The following C1orf21 variants were observed in gnomAD, a reference collection of about 807,000 sequenced individuals.
The protein encoded by C1orf21 is uncharacterized protein C1orf21.
A neutral mutation model predicts 18.7 loss-of-function variants in C1orf21; 3 were observed. That is an observed-to-expected ratio of 0.16 (90% CI 0.07 to 0.42). The LOEUF (loss-of-function observed/expected upper bound fraction) is 0.42, where lower values mean the gene tolerates loss of function less well. Among genes scored for constraint, C1orf21 ranks in the 10% least tolerant of loss-of-function variants. The pLI, the probability that C1orf21 is intolerant of heterozygous loss-of-function variation, is 0.99. For missense variants in C1orf21, 104 were observed against 143.6 expected, an observed-to-expected ratio of 0.72 and a Z score of 1.41; for synonymous variants, 41 against 46.4, an observed-to-expected ratio of 0.88 and a Z score of 0.47.
At chr1:184,561,000 TA>T (rs2101986018) in intron 3 of C1orf21, among the ~76,000 whole-genome samples, 1 of 152,370 alleles carries the variant, frequency 6.6e-6, no homozygotes, top group East Asian at 1.9e-4. Context: ...TGAATTCTGT[TA>T]AGACTCTTGT....
chr1:184,598,599 A>G (rs1659548383), intron 5 of C1orf21, 138 bp downstream of exon 5: 2 of 801,930 alleles, frequency 2.5e-6, no homozygotes, highest in Admixed American at 2.9e-5. Flanking sequence ...AATAAAAGTC[A>G]CCGCCCTTCC....
chr1:184,600,936 G>A (rs1261475468), intron 5 of C1orf21, among the ~76,000 whole-genome samples: 4 of 152,230 alleles, frequency 2.6e-5, no homozygotes, highest in Admixed American at 6.5e-5. Flanking sequence ...TTTGCTTAAT[G>A]TAGTCTGCCA....
At chr1:184,473,372 C>G (rs1657522792) in intron 1 of C1orf21, among the ~76,000 whole-genome samples, 1 of 152,138 alleles carries the variant, frequency 6.6e-6, no homozygotes, top group African/African-American at 2.4e-5. Flanking sequence ...TCAGACTTAC[C>G]TCTCTCTAAG....
At chr1:184,445,343 CCTCTCTCTCTCT>C (rs57710614) in intron 1 of C1orf21, among the ~76,000 whole-genome samples, 11 of 134,844 alleles carry the variant, frequency 8.2e-5, no homozygotes, top group African/African-American at 2.0e-4. Flanking sequence ...TTTTTTCAGA[CCTCTCTCTCTCT>C]CTCTCTCTCT....
chr1:184,548,255 A>T (rs990024438), intron 3 of C1orf21, among the ~76,000 whole-genome samples: 19 of 144,076 alleles, frequency 1.3e-4, no homozygotes, highest in Non-Finnish European at 2.1e-4. Flanking sequence ...ACACACACAC[A>T]CTCACACACT....
chr1:184,575,233 A>G (rs1455844110), intron 3 of C1orf21, among the ~76,000 whole-genome samples: 1 of 152,236 alleles, frequency 6.6e-6, no homozygotes, highest in Non-Finnish European at 1.5e-5. Flanking sequence ...TCTTCCTAGC[A>G]GCCTTGGACT....
chr1:184,554,978 A>G (rs548261211), intron 3 of C1orf21, among the ~76,000 whole-genome samples: 2 of 152,320 alleles, frequency 1.3e-5, no homozygotes, highest in East Asian at 1.9e-4. Context: ...AGTAGCCTCT[A>G]TCAGCCCCCA....
At chr1:184,391,801 G>A (rs756645132) in intron 1 of C1orf21, among the ~76,000 whole-genome samples, 7 of 151,672 alleles carry the variant, frequency 4.6e-5, no homozygotes, top group Non-Finnish European at 7.4e-5. Flanking sequence ...TCCACCTCCT[G>A]GGTCCAAGCA....
At chr1:184,540,464 C>T (rs1356198380) in intron 3 of C1orf21, among the ~76,000 whole-genome samples, 3 of 150,790 alleles carry the variant, frequency 2.0e-5, no homozygotes, top group African/African-American at 4.9e-5. Flanking sequence ...GACTGGGTCT[C>T]GCTCCTTCCT....
chr1:184,518,577 G>A (rs753471263), intron 3 of C1orf21, among the ~76,000 whole-genome samples: 6 of 152,062 alleles, frequency 3.9e-5, no homozygotes, highest in Non-Finnish European at 8.8e-5. Context: ...TGACTCCGGT[G>A]GCTTTTGAAG....
chr1:184,475,609 G>A (rs771184709), intron 1 of C1orf21, among the ~76,000 whole-genome samples: 21 of 152,122 alleles, frequency 1.4e-4, no homozygotes, highest in Non-Finnish European at 1.0e-4. Flanking sequence ...ACTGTATTGC[G>A]TGCAATTTTT....
At chr1:184,551,027 A>G (rs1348270801) in intron 3 of C1orf21, among the ~76,000 whole-genome samples, 1 of 152,228 alleles carries the variant, frequency 6.6e-6, no homozygotes, top group Non-Finnish European at 1.5e-5. Flanking sequence ...TTTCAAATGT[A>G]AAATATATAG....
At position 184,438,165 on chromosome 1, in the gene C1orf21, A is replaced by G. The variant is rs144273738; in HGVS notation, c.-124-39221A>G. Among the ~76,000 whole-genome samples, 330 of 152,312 alleles carry G rather than the reference A, an allele frequency of 2.2e-3. 2 individuals carry two copies. The highest frequency in any genetic ancestry group is 7.6e-3 in the African/African-American group (318 of 41,574). On this transcript the variant is annotated intron_variant, in intron 1 of 5. Transcript: ENST00000235307. ...GTGAAAGAAAAAAAAAGAGGAGGCT[A>G]AAGAGTTCACCTTCCTAGGAACTCT... is the stretch of plus-strand genomic sequence containing the variant.
At chr1:184,474,373 C>G (rs1657539881) in intron 1 of C1orf21, among the ~76,000 whole-genome samples, 1 of 152,002 alleles carries the variant, frequency 6.6e-6, no homozygotes, top group Non-Finnish European at 1.5e-5. Flanking sequence ...GCCCCTCACC[C>G]CAATGCTTGA....
In C1orf21 at chr1:184,617,909, T is replaced by G. The variant is rs58573260; in HGVS notation, c.328-1609T>G. ...TGTGGCAGTTTGTTGTTGTTGTTTT[T>G]TTTTTTTTTTTTTTTTTTGAGATAG... On this transcript the variant is annotated intron_variant, in intron 5 of 5. Transcript: ENST00000235307. Among the ~76,000 whole-genome samples the G allele has an allele frequency of 9.1e-3, 1,169 of 129,148 alleles. 15 individuals carry two copies. The highest frequency in any genetic ancestry group is 0.03 in the African/African-American group (965 of 31,910). 84.7% of individuals were successfully genotyped at this position (129,148 alleles called of 152,430 possible).
chr1:184,531,437 A>G (rs1352355900), intron 3 of C1orf21, among the ~76,000 whole-genome samples: 1 of 152,022 alleles, frequency 6.6e-6, no homozygotes, highest in Non-Finnish European at 1.5e-5. Context: ...TGCAGTGATG[A>G]TCTTATTTTG....
intron 3 of C1orf21, among the ~76,000 whole-genome samples, chr1:184,521,274 C>G (rs534887031): frequency 6.6e-6 from 1 of 151,978 alleles, no homozygotes; most frequent in East Asian, 1.9e-4. Context: ...AATCGTGCTC[C>G]CAGGGTATTT....
chr1:184,415,768 T>G (rs1656439908), intron 1 of C1orf21, among the ~76,000 whole-genome samples: 1 of 152,198 alleles, frequency 6.6e-6, no homozygotes, highest in Non-Finnish European at 1.5e-5. Flanking sequence ...TATGGCAAAT[T>G]GACTTGAATG....
intron 1 of C1orf21, among the ~76,000 whole-genome samples, chr1:184,397,654 C>G (rs1161302555): frequency 1.3e-5 from 2 of 152,128 alleles, no homozygotes; most frequent in Non-Finnish European, 2.9e-5. Flanking sequence ...ATGCTGCATG[C>G]AAAGTTTAAT....
Sources: gnomAD v4.1 joint callset for allele counts (sites outside exome capture counted in the v4.1 genomes callset) on GRCh38, gnomAD v4.1.1 for gene constraint, MANE v1.5 for transcripts, NCBI Gene and HGNC (gene_info 2026-07-23, HGNC 2026-07-21) for gene names.